Variants in SHANK2 observed in about 807,000 individuals in gnomAD.
The protein encoded by SHANK2 is SH3 and multiple ankyrin repeat domains protein 2.
A neutral mutation model predicts 133.7 loss-of-function variants in SHANK2; 43 were observed. The observed-to-expected ratio is 0.32, with a 90% CI of 0.25 to 0.41. SHANK2 has a LOEUF of 0.41. Ranked by LOEUF, SHANK2 falls within the 10% of genes least tolerant of loss-of-function variation. The probability of loss-of-function intolerance (pLI) is 1.00; values close to 1 mark genes in which losing one functional copy is unlikely to be tolerated. For synonymous variants in SHANK2, 1,017 were observed against 952.8 expected (o/e 1.07, Z -1.24); for missense variants, 1,994 against 2,235.8 (o/e 0.89, Z 2.18).
At chr11:70,715,765 T>C (rs1337728849) in intron 14 of SHANK2, among the ~76,000 whole-genome samples, 1 of 152,196 alleles carries the variant, frequency 6.6e-6, no homozygotes, top group African/African-American at 2.4e-5. Flanking sequence ...AGGCTCCGTT[T>C]CCAGAATGGC....
chr11:71,114,412 G>T (rs924589399), intron 4 of SHANK2, among the ~76,000 whole-genome samples: 1 of 152,140 alleles, frequency 6.6e-6, no homozygotes, highest in Non-Finnish European at 1.5e-5. Context: ...ACTGAAAGTC[G>T]CATCTCACAG....
At chr11:71,126,758 A>T (rs1555102774) in intron 3 of SHANK2, among the ~76,000 whole-genome samples, 1 of 135,802 alleles carries the variant, frequency 7.4e-6, no homozygotes, top group African/African-American at 2.9e-5. Flanking sequence ...ATGGAGTCTC[A>T]TTCTGTCACC....
intron 15 of SHANK2, among the ~76,000 whole-genome samples, chr11:70,670,019 C>T (rs1386004419): frequency 2.6e-5 from 4 of 152,188 alleles, no homozygotes; most frequent in Non-Finnish European, 4.4e-5. Flanking sequence ...AGGCGGGGAC[C>T]GCTGGAATGC....
chr11:71,209,741 C>T (rs561507607), intron 2 of SHANK2, among the ~76,000 whole-genome samples: 3 of 152,348 alleles, frequency 2.0e-5, no homozygotes, highest in Non-Finnish European at 4.4e-5. Flanking sequence ...AACAGCACAT[C>T]TGCTCTGGAG....
chr11:70,673,448 T>C (rs1944852651), intron 15 of SHANK2, among the ~76,000 whole-genome samples: 1 of 152,172 alleles, frequency 6.6e-6, no homozygotes, highest in Non-Finnish European at 1.5e-5. Context: ...ACAAAGACCA[T>C]GCTGGCGGGC....
At chr11:70,713,782 C>T (rs1409951349) in intron 14 of SHANK2, among the ~76,000 whole-genome samples, 1 of 152,200 alleles carries the variant, frequency 6.6e-6, no homozygotes, top group African/African-American at 2.4e-5. Flanking sequence ...TTGCCGTGTG[C>T]CACACACACC....
At chr11:71,097,165 T>C (rs1555095592) in intron 6 of SHANK2, among the ~76,000 whole-genome samples, 2 of 152,190 alleles carry the variant, frequency 1.3e-5, no homozygotes, top group African/African-American at 4.8e-5. Flanking sequence ...CAGACTTGCA[T>C]GTTCACCTCT....
At chr11:71,144,722 T>A (rs1457000246) in intron 3 of SHANK2, among the ~76,000 whole-genome samples, 2 of 152,238 alleles carry the variant, frequency 1.3e-5, no homozygotes, top group Non-Finnish European at 2.9e-5. Flanking sequence ...CATAATCACT[T>A]CTTTTACCTT....
intron 11 of SHANK2, among the ~76,000 whole-genome samples, chr11:70,838,502 T>C (rs1948857457): frequency 6.6e-6 from 1 of 152,182 alleles, no homozygotes; most frequent in Non-Finnish European, 1.5e-5. Flanking sequence ...CCTTGCCCCG[T>C]GGAGGTGCAA....
intron 2 of SHANK2, among the ~76,000 whole-genome samples, chr11:71,160,819 T>C (rs1952998552): frequency 6.6e-6 from 1 of 152,202 alleles, no homozygotes; most frequent in Non-Finnish European, 1.5e-5. Context: ...TGCTGGGTTA[T>C]TTCAGCTCCA....
At chr11:71,242,015 C>G (rs543395611) in intron 1 of SHANK2, among the ~76,000 whole-genome samples, 1 of 152,288 alleles carries the variant, frequency 6.6e-6, no homozygotes, top group Non-Finnish European at 1.5e-5. Context: ...AATGTATAAA[C>G]AAAATGTGGC....
chr11:71,093,981 A>G (rs557825642), intron 7 of SHANK2, among the ~76,000 whole-genome samples: 2 of 152,230 alleles, frequency 1.3e-5, no homozygotes, highest in African/African-American at 4.8e-5. Context: ...CGGAGCAGTA[A>G]GACAGCAGCA....
intron 6 of SHANK2, among the ~76,000 whole-genome samples, chr11:71,099,584 G>A (rs1181302792): frequency 6.6e-6 from 1 of 152,184 alleles, no homozygotes; most frequent in Non-Finnish European, 1.5e-5. Flanking sequence ...AGCGTATAAA[G>A]TACTTGTAGC....
chr11:71,161,363 TG>T (rs1166503696), intron 2 of SHANK2, among the ~76,000 whole-genome samples: 2 of 152,342 alleles, frequency 1.3e-5, no homozygotes, highest in Middle Eastern at 3.4e-3. Flanking sequence ...CTGTCTCTTG[TG>T]GGGAAAATTT....
intron 2 of SHANK2, among the ~76,000 whole-genome samples, chr11:71,193,372 C>T (rs2135590268): frequency 6.6e-6 from 1 of 152,218 alleles, no homozygotes; most frequent in South Asian, 2.1e-4. Flanking sequence ...TATATGTGTG[C>T]ACAAACACAC....
In SHANK2 at chr11:70,661,621, A is replaced by G. The variant is rs1555013321; in HGVS notation, c.1911T>C (p.Phe637=). 1.2e-6 allele frequency: 2 copies of G among 1,613,790 alleles called. No homozygotes were observed. The highest frequency in any genetic ancestry group is 1.7e-5 in the Admixed American group (1 of 59,986). ...CTTTGGCCCCTCGAAGCACGAATCC[A>G]AAGCCCTCATTGTCTTTTTTCTGCA... ...VVLQKKDNEG[F]GFVLRGAKAD... The change falls in exon 16 of 26, where the codon TTT becomes TTC. Residue 637 remains phenylalanine, a synonymous_variant. Transcript: ENST00000601538.
intron 3 of SHANK2, among the ~76,000 whole-genome samples, chr11:71,132,426 G>A (rs1952333572): frequency 6.6e-6 from 1 of 152,160 alleles, no homozygotes; most frequent in Admixed American, 6.5e-5. Context: ...CCTACACTGT[G>A]GGATTTACAG....
At chr11:70,607,260 A>G (rs2060590990) in intron 17 of SHANK2, among the ~76,000 whole-genome samples, 1 of 152,184 alleles carries the variant, frequency 6.6e-6, no homozygotes, top group Admixed American at 6.5e-5. Context: ...GGGAATTTTA[A>G]CAGATGAACT....
chr11:70,849,392 A>G (rs1201594537), intron 11 of SHANK2, among the ~76,000 whole-genome samples: 1 of 152,224 alleles, frequency 6.6e-6, no homozygotes, highest in Non-Finnish European at 1.5e-5. Flanking sequence ...ATCTGTGTGA[A>G]TTCTGTCTAC....
Sources: gnomAD v4.1 joint callset for allele counts (sites outside exome capture counted in the v4.1 genomes callset) on GRCh38, gnomAD v4.1.1 for gene constraint, MANE v1.5 for transcripts, NCBI Gene and HGNC (gene_info 2026-07-23, HGNC 2026-07-21) for gene names.